Variants in NUP93 observed in about 807,000 individuals in gnomAD.
NUP93 encodes nucleoporin 93, also known as nuclear pore complex protein Nup93.
Under a neutral mutation model 107.8 loss-of-function variants are expected in NUP93, and 55 were observed. The observed-to-expected ratio is 0.51, with a 90% CI of 0.41 to 0.64. NUP93 has a LOEUF of 0.64. Ranked by LOEUF, NUP93 falls within the 30% of genes least tolerant of loss-of-function variation. NUP93 has a pLI of 0.00. For synonymous variants in NUP93, 390 were observed against 397.5 expected (o/e 0.98, Z 0.22); for missense variants, 937 against 1,044.7 (o/e 0.90, Z 1.42).
chr16:56,841,724 A>G lies in NUP93; in HGVS notation c.2240A>G (p.Glu747Gly). 6.2e-7 allele frequency: 1 copy of G among 1,614,196 alleles called. No individual in the cohort carries two copies. The highest frequency in any genetic ancestry group is 8.5e-7 in the Non-Finnish European group (1 of 1,180,014). The change falls in exon 21 of 22, where the codon GAA becomes GGA. Residue 747 changes from glutamate (E) to glycine (G), a missense_variant. Glu to Gly is a moderately conservative substitution (Grantham distance 98). Transcript: ENST00000308159. Reference protein sequence around the residue: ...FSDEIRHNLSEVLLATMNILF... With the variant: ...FSDEIRHNLSGVLLATMNILF... ...ATGTAGATCAGGCACAACCTCTCAG[A>G]AGTGCTTCTTGCCACCATGAACATC...
At position 56,834,188 on chromosome 16, in the gene NUP93, T is replaced by C; in HGVS notation, c.1598T>C (p.Met533Thr). 2 of 1,614,162 alleles carry C rather than the reference T, an allele frequency of 1.2e-6. No individual in the cohort carries two copies. The highest frequency in any genetic ancestry group is 1.1e-5 in the South Asian group (1 of 91,080). The change falls in exon 14 of 22, where the codon ATG becomes ACG. Residue 533 changes from methionine to threonine, a missense_variant. Coordinates refer to ENST00000308159, the MANE Select transcript of NUP93 (RefSeq NM_014669.5). ...CGGCTGAACTTCGTGCGGCTCCTCATGCTGTACACCCGGAAGTTTGAGTCC... is the reference window on the plus strand; with the variant it reads ...CGGCTGAACTTCGTGCGGCTCCTCACGCTGTACACCCGGAAGTTTGAGTCC... ...LRRLNFVRLL[M>T]LYTRKFESTD... is the part of the protein sequence containing the mutation.
chr16:56,798,626 G>C, intron 4 of NUP93, 88 bp downstream of exon 4: 1 of 1,080,400 alleles, frequency 9.3e-7, no homozygotes, highest in Admixed American at 1.8e-5. Flanking sequence ...CTAACACTTT[G>C]GGAGGCTGAT....
chr16:56,746,289 C>G (rs373547851), intron 1 of NUP93, among the ~76,000 whole-genome samples: 209 of 152,282 alleles, frequency 1.4e-3, no homozygotes, highest in African/African-American at 3.7e-3. Flanking sequence ...ACACATTTCT[C>G]TATCAGGCCG....
intron 9 of NUP93, among the ~76,000 whole-genome samples, chr16:56,829,563 G>T (rs1410347028): frequency 6.6e-6 from 1 of 152,208 alleles, no homozygotes; most frequent in Admixed American, 6.5e-5. Flanking sequence ...TTATGCAAAG[G>T]GTGGCAGGAT....
At chr16:56,812,143 A>G (rs755181771) in intron 5 of NUP93, among the ~76,000 whole-genome samples, 5 of 152,202 alleles carry the variant, frequency 3.3e-5, no homozygotes, top group African/African-American at 1.2e-4. Flanking sequence ...AGCTGACCTT[A>G]ACACTTGAAG....
At chr16:56,778,838 A>G (rs1962462744) in intron 3 of NUP93, among the ~76,000 whole-genome samples, 1 of 152,224 alleles carries the variant, frequency 6.6e-6, no homozygotes, top group African/African-American at 2.4e-5. Context: ...ACAGCTCCAT[A>G]CAGAATTTTC....
intron 6 of NUP93, among the ~76,000 whole-genome samples, chr16:56,820,111 A>G (rs1035234497): frequency 6.6e-6 from 1 of 152,228 alleles, no homozygotes; most frequent in East Asian, 1.9e-4. Flanking sequence ...CTACACCTGC[A>G]AAGACTAAAG....
At position 56,834,721 on chromosome 16, in the gene NUP93, T is replaced by G. The variant is rs772344744; in HGVS notation, c.1738-13T>G. 5.0e-6 allele frequency: 8 copies of G among 1,608,924 alleles called. No homozygotes were observed. Among genetic ancestry groups the G allele is most frequent in the Non-Finnish European group, 6.8e-6 (8 of 1,177,050 alleles). ...TTGTCCAATAATTTGAGTAAACTTT[T>G]TTCCTTCCACAGTTCGATATGATTC... On this transcript the variant is annotated splice_polypyrimidine_tract_variant and intron_variant, in intron 15 of 21. Transcript: ENST00000308159.
chr16:56,740,354 C>T (rs1239342887), intron 1 of NUP93, among the ~76,000 whole-genome samples: 3 of 147,868 alleles, frequency 2.0e-5, no homozygotes, highest in East Asian at 2.0e-4. Flanking sequence ...GACGGGGTCT[C>T]GGCCGGGCAG....
intron 1 of NUP93, among the ~76,000 whole-genome samples, chr16:56,746,946 A>G (rs1179118965): frequency 6.6e-6 from 1 of 152,192 alleles, no homozygotes; most frequent in African/African-American, 2.4e-5. Flanking sequence ...GAGCTATTGT[A>G]CAAGTAATTT....
At chr16:56,837,534 A>G (rs1315813347) in intron 17 of NUP93, 74 bp from the exon 18 acceptor site, 12 of 1,175,894 alleles carry the variant, frequency 1.0e-5, no homozygotes, top group Non-Finnish European at 1.4e-5. Flanking sequence ...TTTGGTGGGT[A>G]GGGGGCATTA....
intron 8 of NUP93, among the ~76,000 whole-genome samples, chr16:56,825,251 G>A (rs933280666): frequency 6.2e-5 from 7 of 112,238 alleles, no homozygotes; most frequent in Non-Finnish European, 1.2e-4. Flanking sequence ...CGCTCTTGTT[G>A]CCCAGGCTGT....
intron 2 of NUP93, among the ~76,000 whole-genome samples, chr16:56,755,123 C>T (rs998091833): frequency 2.0e-5 from 3 of 152,168 alleles, no homozygotes; most frequent in Admixed American, 1.3e-4. Context: ...CCAGCAATTC[C>T]ACTCATAGGT....
At chr16:56,793,711 A>C in intron 3 of NUP93, among the ~76,000 whole-genome samples, 1 of 152,044 alleles carries the variant, frequency 6.6e-6, no homozygotes, top group East Asian at 1.9e-4. Flanking sequence ...TTGGGCTGTT[A>C]CTTTTCCTTG....
intron 4 of NUP93, among the ~76,000 whole-genome samples, chr16:56,804,411 T>G (rs1421938471): frequency 6.6e-6 from 1 of 152,170 alleles, no homozygotes; most frequent in East Asian, 1.9e-4. Flanking sequence ...TTGCTACAAC[T>G]CTTAAGGACA....
chr16:56,778,856 A>G (rs914129808), intron 3 of NUP93, among the ~76,000 whole-genome samples: 3 of 152,224 alleles, frequency 2.0e-5, no homozygotes, highest in Admixed American at 1.3e-4. Flanking sequence ...TTCAAGAGCC[A>G]CAGGCCTAGA....
At chr16:56,809,448 T>G (rs1308068593) in intron 5 of NUP93, among the ~76,000 whole-genome samples, 8 of 152,184 alleles carry the variant, frequency 5.3e-5, no homozygotes, top group Non-Finnish European at 1.0e-4. Context: ...AGGTGAAGAT[T>G]TAAAATTACG....
chr16:56,791,390 C>A (rs1250852842), intron 3 of NUP93, among the ~76,000 whole-genome samples: 1 of 152,192 alleles, frequency 6.6e-6, no homozygotes, highest in Admixed American at 6.5e-5. Flanking sequence ...TGTGAAAGAA[C>A]CAATGTGAGC....
intron 4 of NUP93, 59 bp from the exon 5 acceptor site, chr16:56,805,445 A>G: frequency 6.2e-7 from 1 of 1,603,218 alleles, no homozygotes; most frequent in Non-Finnish European, 8.5e-7. Context: ...GTTGGGTCTT[A>G]AACCATGTTT....
Sources: gnomAD v4.1 joint callset for allele counts (sites outside exome capture counted in the v4.1 genomes callset) on GRCh38, gnomAD v4.1.1 for gene constraint, MANE v1.5 for transcripts, NCBI Gene and HGNC (gene_info 2026-07-23, HGNC 2026-07-21) for gene names.